MYO3B: variants seen among roughly 807,000 people sequenced by gnomAD.
MYO3B encodes the protein myosin-IIIb.
MYO3B carries 156 observed loss-of-function variants against 174.6 expected under a neutral mutation model. That is an observed-to-expected ratio of 0.89 (90% CI 0.78 to 1.02). The LOEUF (loss-of-function observed/expected upper bound fraction) is 1.02. MYO3B is among the 50% of genes least tolerant of loss of function. The pLI, the probability that MYO3B is intolerant of heterozygous loss-of-function variation, is 0.00. For synonymous variants in MYO3B, 563 were observed against 569.1 expected, an observed-to-expected ratio of 0.99 and a Z score of 0.15; for missense variants, 1,632 against 1,639.4, an observed-to-expected ratio of 1.00 and a Z score of 0.08.
chr2:170,626,277 C>T (rs1696421860), intron 32 of MYO3B, among the ~76,000 whole-genome samples: 1 of 152,164 alleles, frequency 6.6e-6, no homozygotes, highest in East Asian at 1.9e-4. Flanking sequence ...GTTAGCTCTT[C>T]TTGTTGAATT....
intron 12 of MYO3B, chr2:170,384,052 C>T (rs2094355848): frequency 1.4e-5 from 6 of 413,976 alleles, no homozygotes; most frequent in Non-Finnish European, 2.6e-5. Flanking sequence ...CGCTCATTTT[C>T]TCTGATAAGA....
At chr2:170,570,377 CTTATA>C (rs1692358392) in intron 32 of MYO3B, among the ~76,000 whole-genome samples, 1 of 152,122 alleles carries the variant, frequency 6.6e-6, no homozygotes. Flanking sequence ...GCTAGGAAAC[CTTATA>C]TTATGAGATA....
chr2:170,597,723 G>A (rs769521400), intron 32 of MYO3B, among the ~76,000 whole-genome samples: 19 of 152,178 alleles, frequency 1.2e-4, no homozygotes, highest in Non-Finnish European at 2.1e-4. Context: ...TCCTCAAGGC[G>A]AATGAATCTT....
intron 3 of MYO3B, among the ~76,000 whole-genome samples, chr2:170,202,459 T>C (rs1443033057): frequency 1.3e-5 from 2 of 152,124 alleles, no homozygotes; most frequent in African/African-American, 2.4e-5. Context: ...CTCCTAATAC[T>C]GGCAGAAGCC....
chr2:170,362,118 A>G (rs2094166163), intron 8 of MYO3B, among the ~76,000 whole-genome samples: 1 of 152,096 alleles, frequency 6.6e-6, no homozygotes, highest in Middle Eastern at 3.2e-3. Flanking sequence ...CTCCAGCCAC[A>G]CTGGTGCACA....
At chr2:170,460,136 T>A (rs1172990054) in intron 23 of MYO3B, among the ~76,000 whole-genome samples, 1 of 150,700 alleles carries the variant, frequency 6.6e-6, no homozygotes, top group Non-Finnish European at 1.5e-5. Context: ...GACAGAGGAG[T>A]CGCCGAGAGT....
intron 30 of MYO3B, among the ~76,000 whole-genome samples, chr2:170,542,097 T>C (rs1575139735): frequency 1.5e-5 from 1 of 67,266 alleles, no homozygotes; most frequent in Non-Finnish European, 4.0e-5. Context: ...CAAAGTCACA[T>C]GTTTGTTGTG....
In MYO3B at chr2:170,246,493, C is replaced by T. The variant is rs1159456; in HGVS notation, c.749+10357C>T. Among the ~76,000 whole-genome samples, 3 of 151,044 alleles carry T rather than the reference C, an allele frequency of 2.0e-5. No homozygotes were observed. In the Admixed American group the frequency reaches 2.0e-4, roughly 10 times the overall value. ...AGAGTTGATCCTTAACCCAATGTGA[C>T]TGGTATCCTTATAAGAAGAGGAAAA... On this transcript the variant is annotated intron_variant, in intron 7 of 34. Transcript: ENST00000408978.
At chr2:170,519,301 T>C in intron 29 of MYO3B, 137 bp from the exon 30 acceptor site, 1 of 603,058 alleles carries the variant, frequency 1.7e-6, no homozygotes. Flanking sequence ...TGACATATCC[T>C]AGAAAAAAAA....
chr2:170,641,153 A>G (rs1030627241), intron 32 of MYO3B: 1 of 152,234 alleles, frequency 6.6e-6, no homozygotes, highest in Non-Finnish European at 1.5e-5. Context: ...GCTGTTTCCA[A>G]CTGAAGAGGA....
At chr2:170,650,166 G>T (rs908404377) in intron 32 of MYO3B, among the ~76,000 whole-genome samples, 2 of 151,226 alleles carry the variant, frequency 1.3e-5, no homozygotes. Context: ...TCAAGCAGCT[G>T]GGACTACAGG....
intron 23 of MYO3B, among the ~76,000 whole-genome samples, chr2:170,452,501 G>A (rs1390002385): frequency 6.6e-6 from 1 of 152,160 alleles, no homozygotes; most frequent in East Asian, 1.9e-4. Context: ...GGCCTTTTAA[G>A]TATGTATAGC....
chr2:170,276,132 T>C (rs922817777), intron 7 of MYO3B, among the ~76,000 whole-genome samples: 1 of 152,154 alleles, frequency 6.6e-6, no homozygotes, highest in South Asian at 2.1e-4. Flanking sequence ...AATGAAATCA[T>C]GCAAAGAGCT....
chr2:170,548,184 T>A (rs1214241892), intron 32 of MYO3B, among the ~76,000 whole-genome samples: 1 of 147,226 alleles, frequency 6.8e-6, no homozygotes, highest in Non-Finnish European at 1.5e-5. Flanking sequence ...CAGTTCACCA[T>A]GTAAATATCT....
At chr2:170,356,716 C>T (rs796256819) in intron 8 of MYO3B, among the ~76,000 whole-genome samples, 1 of 152,208 alleles carries the variant, frequency 6.6e-6, no homozygotes, top group South Asian at 2.1e-4. Context: ...GTCTTGTTAC[C>T]TGTCATTACA....
At chr2:170,614,291 T>C (rs985824933) in intron 32 of MYO3B, among the ~76,000 whole-genome samples, 1 of 152,166 alleles carries the variant, frequency 6.6e-6, no homozygotes, top group Non-Finnish European at 1.5e-5. Flanking sequence ...ATAATTTATA[T>C]AAGGCATCCA....
intron 32 of MYO3B, among the ~76,000 whole-genome samples, chr2:170,638,747 G>A (rs1697728611): frequency 6.6e-6 from 1 of 152,148 alleles, no homozygotes; most frequent in African/African-American, 2.4e-5. Context: ...GAATCTTCAG[G>A]CCAGAACATG....
At chr2:170,638,091 CCT>C (rs574364783) in intron 32 of MYO3B, among the ~76,000 whole-genome samples, 27 of 148,976 alleles carry the variant, frequency 1.8e-4, no homozygotes, top group East Asian at 1.8e-3. Context: ...TCTCTCTCTC[CCT>C]CTCTCTCTCT....
intron 7 of MYO3B, among the ~76,000 whole-genome samples, chr2:170,306,544 G>A (rs952901753): frequency 2.7e-4 from 41 of 152,194 alleles, no homozygotes; most frequent in Non-Finnish European, 4.0e-4. Flanking sequence ...CCTGATCCTT[G>A]AAAACAATTG....
Sources: gnomAD v4.1 joint callset for allele counts (sites outside exome capture counted in the v4.1 genomes callset) on GRCh38, gnomAD v4.1.1 for gene constraint, MANE v1.5 for transcripts, NCBI Gene and HGNC (gene_info 2026-07-23, HGNC 2026-07-21) for gene names.